Variants in SEC24B observed in about 807,000 individuals in gnomAD.
The protein encoded by SEC24B is SEC24 homolog B, COPII component, also known as protein transport protein Sec24B.
Under a neutral mutation model 142.8 loss-of-function variants are expected in SEC24B, and 45 were observed. The ratio of observed to expected loss-of-function variants is 0.32; its 90% confidence interval spans 0.25 to 0.40. SEC24B has a LOEUF of 0.40. Among genes scored for constraint, SEC24B ranks in the 10% least tolerant of loss-of-function variants. The pLI is 1.00. For missense variants in SEC24B, 1,409 were observed against 1,526.8 expected (o/e 0.92, Z 1.29); for synonymous variants, 574 against 568.2 (o/e 1.01, Z -0.15).
At position 109,511,865 on chromosome 4, in the gene SEC24B, G is replaced by T. The variant is rs1578944263; in HGVS notation, c.1777-92G>T. On this transcript the variant is annotated intron_variant, in intron 8 of 23. Coordinates refer to ENST00000265175, the MANE Select transcript of SEC24B (RefSeq NM_006323.5). ...ATAAAACCACATAAAAACAATTAAG[G>T]TTTATGTTCTGTATTTGGAGCAGAT... The T allele has an allele frequency of 3.1e-6, 4 of 1,280,486 alleles. No homozygotes were observed. The Admixed American group carries it at 6.9e-5, about 22-fold the overall frequency. 79.3% of individuals were successfully genotyped at this position (1,280,486 alleles called of 1,614,324 possible).
intron 2 of SEC24B, among the ~76,000 whole-genome samples, chr4:109,468,002 G>A (rs1732138995): frequency 6.6e-6 from 1 of 152,152 alleles, no homozygotes; most frequent in South Asian, 2.1e-4. Flanking sequence ...CTAAGATATA[G>A]TCACTGATAA....
intron 1 of SEC24B, among the ~76,000 whole-genome samples, chr4:109,453,621 G>A (rs1730360936): frequency 6.6e-6 from 1 of 152,040 alleles, no homozygotes; most frequent in Admixed American, 6.5e-5. Flanking sequence ...CTGTTATCCT[G>A]TTCTTAAGGT....
At chr4:109,508,257 C>G (rs971775653) in intron 7 of SEC24B, among the ~76,000 whole-genome samples, 8 of 152,052 alleles carry the variant, frequency 5.3e-5, no homozygotes, top group Admixed American at 5.2e-4. Flanking sequence ...GTTAGGTACC[C>G]CCTACGTAGG....
chr4:109,487,575 G>A (rs976060146), intron 4 of SEC24B, among the ~76,000 whole-genome samples: 1 of 152,252 alleles, frequency 6.6e-6, no homozygotes, highest in African/African-American at 2.4e-5. Context: ...TGTTCAGAAT[G>A]TTAACACATA....
chr4:109,441,444 AT>A (rs1442387450), intron 1 of SEC24B, among the ~76,000 whole-genome samples: 3 of 152,086 alleles, frequency 2.0e-5, no homozygotes, highest in Non-Finnish European at 4.4e-5. Flanking sequence ...TTCTTTCTGT[AT>A]TTTGAGACAG....
chr4:109,450,394 T>C (rs921303818), intron 1 of SEC24B, among the ~76,000 whole-genome samples: 1 of 152,036 alleles, frequency 6.6e-6, no homozygotes, highest in South Asian at 2.1e-4. Context: ...GCGCGGTGGC[T>C]CACACCTATA....
intron 2 of SEC24B, among the ~76,000 whole-genome samples, chr4:109,466,705 C>T (rs1354211883): frequency 2.0e-5 from 3 of 152,132 alleles, no homozygotes; most frequent in East Asian, 1.9e-4. Flanking sequence ...CCACTGCACC[C>T]GGCCAATAGT....
Position 109,462,537 on chromosome 4 carries a change from G to C in SEC24B, c.134-364G>C, listed in dbSNP as rs536455919. ...CCTCCTTGCATGGGCTTCTTCATAG[G>C]GCTGTTCACGGCTTGGCAGGTTAGC... On this transcript the variant is annotated intron_variant, in intron 1 of 23. Transcript: ENST00000265175. Among the ~76,000 whole-genome samples the C allele has an allele frequency of 3.3e-5, 5 of 152,274 alleles. No homozygotes were observed. In the East Asian group the frequency reaches 9.7e-4, roughly 29 times the overall value.
chr4:109,487,532 G>A (rs2125995373), intron 4 of SEC24B, among the ~76,000 whole-genome samples: 1 of 152,292 alleles, frequency 6.6e-6, no homozygotes, highest in African/African-American at 2.4e-5. Context: ...TCACTAAGAT[G>A]GTGGGGAAAT....
chr4:109,521,059 A>T (rs771683906), intron 12 of SEC24B, 58 bp from the exon 13 acceptor site: 9 of 1,112,958 alleles, frequency 8.1e-6, no homozygotes, highest in East Asian at 4.7e-5. Flanking sequence ...AAAAACTAAG[A>T]TTTTCTAATG....
At chr4:109,459,761 C>T (rs1578797583) in intron 1 of SEC24B, among the ~76,000 whole-genome samples, 3 of 152,086 alleles carry the variant, frequency 2.0e-5, no homozygotes, top group East Asian at 3.9e-4. Context: ...GATTATTTCT[C>T]GTTTCAGATC....
At chr4:109,538,706 A>G (rs1579022692) in intron 23 of SEC24B, 110 bp downstream of exon 23, 1 of 646,544 alleles carries the variant, frequency 1.5e-6, no homozygotes, top group East Asian at 2.7e-5. Context: ...CTGATGGTAA[A>G]ATGTTGTTAC....
chr4:109,532,632 T>A lies in SEC24B; in HGVS notation c.3391-7T>A. On this transcript the variant is annotated splice_polypyrimidine_tract_variant and splice_region_variant and intron_variant, in intron 20 of 23. Coordinates refer to ENST00000265175, the MANE Select transcript of SEC24B (RefSeq NM_006323.5). Reference sequence around the variant, plus strand: ...ATCTCATTCACATTCTCTCTTTTTCTTTTCAGGGTGCAGTACATGTTAATG... The same window carrying A: ...ATCTCATTCACATTCTCTCTTTTTCATTTCAGGGTGCAGTACATGTTAATG... 1 of 1,607,604 alleles carries A rather than the reference T, an allele frequency of 6.2e-7. No homozygotes were observed.
At chr4:109,487,109 G>T (rs1191927736) in intron 4 of SEC24B, among the ~76,000 whole-genome samples, 1 of 148,778 alleles carries the variant, frequency 6.7e-6, no homozygotes, top group Non-Finnish European at 1.5e-5. Flanking sequence ...AGGTTGCAGT[G>T]AGCTGAGATC....
chr4:109,525,390 T>A lies in SEC24B; in HGVS notation c.2677T>A (p.Ser893Thr), dbSNP rs776406286. The change falls in exon 16 of 24, where the codon TCA becomes ACA. Residue 893 changes from serine (S) to threonine (T), a missense_variant. By Grantham distance (58) the Ser-to-Thr change is moderately conservative (BLOSUM62 1). This residue lies in a region of SEC24B where 700 missense variants were observed against 853.3 expected (regional missense o/e 0.82). Transcript: ENST00000265175. ...TGCAGGGTGCATCTATTATTATCCA[T>A]CATTCCACTATACTCACAATCCTTC... is the stretch of plus-strand genomic sequence containing the variant. ...YSAGCIYYYP[S>T]FHYTHNPSQA... 6.2e-7 allele frequency: 1 copy of A among 1,610,964 alleles called. No homozygotes were observed. The highest frequency in any genetic ancestry group is 8.5e-7 in the Non-Finnish European group (1 of 1,178,348).
chr4:109,444,214 CAAAAAAAAAAA>C (rs539104834), intron 1 of SEC24B, among the ~76,000 whole-genome samples: 1 of 80,200 alleles, frequency 1.2e-5, no homozygotes, highest in South Asian at 4.5e-4. Flanking sequence ...AACTCCATCT[CAAAAAAAAAAA>C]AAAAAAAGAA....
intron 5 of SEC24B, among the ~76,000 whole-genome samples, chr4:109,493,665 G>T (rs551320377): frequency 2.0e-5 from 3 of 148,144 alleles, no homozygotes; most frequent in African/African-American, 5.0e-5. Flanking sequence ...GTCTCGCCCT[G>T]TGGCCCAGGC....
chr4:109,482,979 T>TATATATATAC (rs781527364), intron 4 of SEC24B, among the ~76,000 whole-genome samples: 21 of 26,404 alleles, frequency 8.0e-4, no homozygotes, highest in East Asian at 1.1e-3. Context: ...TATATATATA[T>TATATATATAC]ACACACACAC....
intron 2 of SEC24B, among the ~76,000 whole-genome samples, chr4:109,472,526 A>G (rs1416543739): frequency 6.6e-6 from 1 of 152,190 alleles, no homozygotes; most frequent in African/African-American, 2.4e-5. Context: ...GCAAAATGAG[A>G]TCTGAACTGA....
Sources: allele counts gnomAD v4.1 joint callset (sites outside exome capture counted in the v4.1 genomes callset), GRCh38; gene constraint gnomAD v4.1.1; regional missense constraint gnomAD v4.1.1; transcripts MANE v1.5; gene names NCBI Gene and HGNC (gene_info 2026-07-23, HGNC 2026-07-21).